The following SERPINA12 variants were observed in gnomAD, a reference collection of about 807,000 sequenced individuals.
SERPINA12 encodes the protein serpin family A member 12, also known as serpin A12.
In SERPINA12, 21 loss-of-function variants were observed where a neutral mutation model predicts 25.9. The observed-to-expected ratio is 0.81, with a 90% CI of 0.58 to 1.17. The LOEUF (loss-of-function observed/expected upper bound fraction) is 1.17, where lower values mean the gene tolerates loss of function less well. Among genes scored for constraint, SERPINA12 ranks in the 50% most tolerant of loss-of-function variants. The probability of loss-of-function intolerance (pLI) is 0.00; values close to 1 mark genes in which losing one functional copy is unlikely to be tolerated. For missense variants in SERPINA12, 562 were observed against 508.3 expected (o/e 1.11, Z -1.02); for synonymous variants, 220 against 196.0 (o/e 1.12, Z -1.02).
upstream of SERPINA12, chr14:94,511,729 G>A (rs1413986378): frequency 3.0e-6 from 3 of 985,198 alleles, no homozygotes; most frequent in Non-Finnish European, 3.6e-6. Context: ...AAAGCAGATT[G>A]AATGTCTATA....
intron 4 of SERPINA12, among the ~76,000 whole-genome samples, chr14:94,488,301 T>G (rs1379132067): frequency 6.6e-6 from 1 of 152,034 alleles, no homozygotes; most frequent in Non-Finnish European, 1.5e-5. Context: ...CGGGCTCAGC[T>G]TGGCAAGCTG....
In SERPINA12 at chr14:94,487,483, CT is replaced by C; in HGVS notation, c.1064del (p.Lys355ArgfsTer4). 6.2e-7 allele frequency: 1 copy of C among 1,612,322 alleles called. No homozygotes were observed. Among genetic ancestry groups the C allele is most frequent in the Non-Finnish European group, 8.5e-7 (1 of 1,179,268 alleles). ...RSLKVGEAVH[K>X]AELKMDERGT... ...CCCTCTCATCCATCTTCAGCTCAGC[CT>C]TGTGCACAGCCTACGGAAGCCAAGG... On this transcript the variant is annotated frameshift_variant, in exon 5 of 5. Transcript: ENST00000677451. LOFTEE classifies it low-confidence loss of function (END_TRUNC).
intron 3 of SERPINA12, among the ~76,000 whole-genome samples, chr14:94,492,209 T>C (rs550034440): frequency 2.0e-5 from 3 of 151,886 alleles, no homozygotes; most frequent in Admixed American, 2.0e-4. Context: ...GAGCTTTCTG[T>C]GAGAAGTGGG....
At chr14:94,505,721 C>T (rs1246719656) in intron 1 of SERPINA12, among the ~76,000 whole-genome samples, 2 of 152,176 alleles carry the variant, frequency 1.3e-5, no homozygotes, top group Non-Finnish European at 2.9e-5. Context: ...TCCCTGCCTG[C>T]CCCAGACACT....
chr14:94,496,463 A>C lies in SERPINA12; in HGVS notation c.815T>G (p.Phe272Cys), dbSNP rs1900424963. 1 of 1,614,060 alleles carries C rather than the reference A, an allele frequency of 6.2e-7. No homozygotes were observed. Among genetic ancestry groups the C allele is most frequent in the Non-Finnish European group, 8.5e-7 (1 of 1,180,026 alleles). Residue 272 changes from phenylalanine to cysteine, a missense_variant, in exon 3 of 5, where the codon TTC becomes TGC. Physicochemically the swap from Phe to Cys is radical, Grantham distance 205 (BLOSUM62 -2). Coordinates refer to ENST00000677451, the MANE Select transcript of SERPINA12 (RefSeq NM_001382267.1). ...IPYQKNITAI[F>C]ILPDEGKLKH... ...CAGCTTGCCCTCATCAGGAAGGATG[A>C]AGATGGCTGTGATATTTTTCTGGTA...
intron 3 of SERPINA12, among the ~76,000 whole-genome samples, chr14:94,490,980 C>T (rs529989002): frequency 6.6e-6 from 1 of 152,322 alleles, no homozygotes; most frequent in African/African-American, 2.4e-5. Context: ...CTCTTTTCCA[C>T]CTTCACTCCA....
intron 3 of SERPINA12, among the ~76,000 whole-genome samples, chr14:94,491,864 G>T (rs186621058): frequency 2.0e-5 from 3 of 152,274 alleles, no homozygotes; most frequent in African/African-American, 7.2e-5. Flanking sequence ...TCTGGAATTT[G>T]GGGGAGAACA....
Position 94,497,930 on chromosome 14 carries a change from G to C in SERPINA12, c.468C>G (p.Asn156Lys), listed in dbSNP as rs1467222899. The C allele has an allele frequency of 1.9e-6, 3 of 1,614,062 alleles. No homozygotes were observed. Among genetic ancestry groups the C allele is most frequent in the Middle Eastern group, 1.6e-4 (1 of 6,084 alleles). Reference sequence around the variant, plus strand: ...TAAGGATGGTTTCGGCACTGTAAAAGTTCTTGGCATCTTCCAAAAACTTAC... The same window carrying C: ...TAAGGATGGTTTCGGCACTGTAAAACTTCTTGGCATCTTCCAAAAACTTAC... The part of the protein sequence containing the change: ...PQRKFLEDAK[N>K]FYSAETILTN... The change falls in exon 2 of 5, where the codon AAC becomes AAG. Residue 156 changes from asparagine to lysine, a missense_variant. By Grantham distance (94) the Asn-to-Lys change is moderately conservative. Transcript: ENST00000677451.
At position 94,514,782 on chromosome 14, in the gene SERPINA12, T is replaced by C. The variant is rs376529295; in HGVS notation, c.-18+1038A>G. Among the ~76,000 whole-genome samples, 32 of 152,262 alleles carry C rather than the reference T, an allele frequency of 2.1e-4. No homozygotes were observed. In the East Asian group the frequency reaches 3.5e-3, roughly 17 times the overall value. On this transcript the variant is annotated intron_variant, in intron 2 of 5. Coordinates refer to the SERPINA12 transcript ENST00000341228. ...CAGAGGTAGGCAGGTGGTGGGGCTT[T>C]GAGTCTGTAGTTATTTGACTCAGGG...
upstream of SERPINA12, among the ~76,000 whole-genome samples, chr14:94,512,161 A>T (rs1749794010): frequency 6.6e-6 from 1 of 152,184 alleles, no homozygotes; most frequent in South Asian, 2.1e-4. Flanking sequence ...TGCACCCACG[A>T]GAGGCAGATA....
chr14:94,503,135 A>G, intron 1 of SERPINA12: 1 of 928,116 alleles, frequency 1.1e-6, no homozygotes, highest in Non-Finnish European at 1.3e-6. Context: ...CTTTAAGAAG[A>G]AATCACTCTA....
chr14:94,506,993 C>T (rs1226765704), intron 1 of SERPINA12, among the ~76,000 whole-genome samples: 1 of 152,146 alleles, frequency 6.6e-6, no homozygotes, highest in Non-Finnish European at 1.5e-5. Context: ...TCCAACAGAG[C>T]CACACAGGAA....
chr14:94,494,194 CT>C (rs139939487), intron 3 of SERPINA12, among the ~76,000 whole-genome samples: 1,711 of 152,250 alleles, frequency 0.011, 34 homozygotes, highest in African/African-American at 0.039. Flanking sequence ...CATTTCTTAC[CT>C]TCTCTTCATG....
Position 94,497,819 on chromosome 14 carries a change from G to T in SERPINA12, c.579C>A (p.Ile193=), listed in dbSNP as rs749839300. 1 of 1,613,938 alleles carries T rather than the reference G, an allele frequency of 6.2e-7. No individual in the cohort carries two copies. Among genetic ancestry groups the T allele is most frequent in the Non-Finnish European group, 8.5e-7 (1 of 1,179,970 alleles). ...QKTHGKINNL[I]ENIDPGTVML... ...TCACAGTGCCGGGGTCTATATTCTC[G>T]ATCAGGTTGTTAATTTTCCCATGGG... The change falls in exon 2 of 5, where the codon ATC becomes ATA. Residue 193 remains isoleucine (I), a synonymous_variant. Coordinates refer to ENST00000677451, the MANE Select transcript of SERPINA12 (RefSeq NM_001382267.1).
chr14:94,487,536 T>A, intron 4 of SERPINA12, 42 bp from the exon 5 acceptor site: 1 of 1,545,474 alleles, frequency 6.5e-7, no homozygotes. Flanking sequence ...CCAAGCTCCT[T>A]GGCGACCACA....
At chr14:94,509,671 C>CT (rs1421688403), upstream of SERPINA12, among the ~76,000 whole-genome samples, 3 of 152,206 alleles carry the variant, frequency 2.0e-5, no homozygotes. Context: ...TACTTTTTCT[C>CT]TCCCATCCCA....
intron 1 of SERPINA12, among the ~76,000 whole-genome samples, chr14:94,506,648 A>G (rs1224578382): frequency 6.6e-6 from 1 of 152,238 alleles, no homozygotes; most frequent in African/African-American, 2.4e-5. Context: ...CAAAATGGGA[A>G]TAACCTATTT....
At chr14:94,495,069 T>TTC (rs1555377344) in intron 3 of SERPINA12, among the ~76,000 whole-genome samples, 1 of 133,926 alleles carries the variant, frequency 7.5e-6, no homozygotes, top group African/African-American at 3.1e-5. Flanking sequence ...CCTTTCTTTT[T>TTC]TTTTTTTTTT....
chr14:94,511,905 C>A (rs1901121361), upstream of SERPINA12, among the ~76,000 whole-genome samples: 1 of 152,090 alleles, frequency 6.6e-6, no homozygotes. Flanking sequence ...TGAGACCAGC[C>A]TGGCCAATAT....
Sources: gnomAD v4.1 joint callset for allele counts (sites outside exome capture counted in the v4.1 genomes callset) on GRCh38, gnomAD v4.1.1 for gene constraint, MANE v1.5 for transcripts, NCBI Gene and HGNC (gene_info 2026-07-23, HGNC 2026-07-21) for gene names.